Variants in PKNOX2 observed in about 807,000 individuals in gnomAD.
PKNOX2 encodes the protein homeobox protein PKNOX2.
A neutral mutation model predicts 53.1 loss-of-function variants in PKNOX2; 14 were observed. The ratio of observed to expected loss-of-function variants is 0.26; its 90% confidence interval spans 0.17 to 0.41. The LOEUF (loss-of-function observed/expected upper bound fraction) is 0.41, where lower values mean the gene tolerates loss of function less well. Among genes scored for constraint, PKNOX2 ranks in the 10% least tolerant of loss-of-function variants. PKNOX2 has a pLI of 1.00. For missense variants in PKNOX2, 496 were observed against 602.8 expected (o/e 0.82, Z 1.85); for synonymous variants, 257 against 242.8 (o/e 1.06, Z -0.54).
chr11:125,270,158 G>C (rs1945680268), intron 2 of PKNOX2, among the ~76,000 whole-genome samples: 1 of 152,180 alleles, frequency 6.6e-6, no homozygotes, highest in African/African-American at 2.4e-5. Context: ...GAATAACTCA[G>C]TGTTCCTGGA....
chr11:125,178,609 G>GAAAGAAAGAAAGAAAGAAA (rs1491232927), intron 1 of PKNOX2, among the ~76,000 whole-genome samples: 5 of 46,260 alleles, frequency 1.1e-4, no homozygotes, highest in East Asian at 9.8e-4. Flanking sequence ...AAGGAAGGAA[G>GAAAGAAAGAAAGAAAGAAA]GAAAGAAAGA....
At chr11:125,215,757 A>AAACTAACTAACT (rs537144913) in intron 1 of PKNOX2, among the ~76,000 whole-genome samples, 1 of 152,112 alleles carries the variant, frequency 6.6e-6, no homozygotes, top group African/African-American at 2.4e-5. Context: ...GTCTCAAAAT[A>AAACTAACTAACT]AACTAACTAA....
chr11:125,355,072 G>A (rs1951528628), intron 4 of PKNOX2, among the ~76,000 whole-genome samples: 1 of 152,036 alleles, frequency 6.6e-6, no homozygotes, highest in African/African-American at 2.4e-5. Context: ...TTCAAGACCA[G>A]CTTGGCCAAC....
intron 1 of PKNOX2, among the ~76,000 whole-genome samples, chr11:125,216,645 C>G (rs1041524502): frequency 6.6e-6 from 1 of 152,156 alleles, no homozygotes; most frequent in African/African-American, 2.4e-5. Flanking sequence ...GGCAGAGGTG[C>G]CTTTCTCAGA....
At chr11:125,220,854 C>G (rs1201791532) in intron 1 of PKNOX2, among the ~76,000 whole-genome samples, 1 of 152,202 alleles carries the variant, frequency 6.6e-6, no homozygotes, top group Non-Finnish European at 1.5e-5. Flanking sequence ...ACATTCGCCA[C>G]TGGGTCAGTA....
At chr11:125,296,885 C>T (rs994029304) in intron 2 of PKNOX2, among the ~76,000 whole-genome samples, 3 of 152,158 alleles carry the variant, frequency 2.0e-5, no homozygotes, top group Non-Finnish European at 2.9e-5. Context: ...CCACCCACCT[C>T]GGCCTCCCAA....
At chr11:125,178,576 A>AGGGC (rs1475014370) in intron 1 of PKNOX2, among the ~76,000 whole-genome samples, 1 of 30,250 alleles carries the variant, frequency 3.3e-5, no homozygotes, top group Non-Finnish European at 5.9e-5. Context: ...GAAGGAAGGA[A>AGGGC]GGAAGGAAGG....
At chr11:125,313,994 C>A (rs561246214) in intron 2 of PKNOX2, among the ~76,000 whole-genome samples, 1 of 152,308 alleles carries the variant, frequency 6.6e-6, no homozygotes, top group Admixed American at 6.5e-5. Context: ...GCCAGGCACA[C>A]AAGTGACCCC....
intron 3 of PKNOX2, among the ~76,000 whole-genome samples, chr11:125,337,615 A>G (rs844461): frequency 1 from 151,784 of 152,340 alleles, 75,615 homozygotes; most frequent in Middle Eastern, 1. Context: ...TGGGGCTTGA[A>G]GTTTGCTTTC....
intron 2 of PKNOX2, among the ~76,000 whole-genome samples, chr11:125,236,253 A>G (rs1363463277): frequency 1.3e-5 from 2 of 151,944 alleles, no homozygotes; most frequent in Non-Finnish European, 2.9e-5. Context: ...CGCCTCTGTG[A>G]TTGACGGGCC....
intron 6 of PKNOX2, among the ~76,000 whole-genome samples, chr11:125,393,699 C>T (rs549610475): frequency 6.6e-6 from 1 of 152,186 alleles, no homozygotes; most frequent in East Asian, 1.9e-4. Flanking sequence ...CCCCGGGGGG[C>T]TGTGCCAGGA....
chr11:125,300,618 A>G (rs1467652986), intron 2 of PKNOX2, among the ~76,000 whole-genome samples: 1 of 152,098 alleles, frequency 6.6e-6, no homozygotes, highest in African/African-American at 2.4e-5. Flanking sequence ...AGAGAGACAG[A>G]GACAGAAACA....
At chr11:125,317,541 A>G (rs79487844) in intron 2 of PKNOX2, among the ~76,000 whole-genome samples, 6,152 of 152,284 alleles carry the variant, frequency 0.04, 411 homozygotes, top group African/African-American at 0.14. Context: ...CTCCTTGTAC[A>G]TCTCCATCAG....
chr11:125,429,000 C>G lies in PKNOX2; in HGVS notation c.937-12C>G. On this transcript the variant is annotated splice_polypyrimidine_tract_variant and intron_variant, in intron 10 of 12. Transcript: ENST00000298282. ...ATGCCCAGCCCTCACTAGTCTCCAC[C>G]TCTCGTTTCAGCACCCCTACCCCAC... The G allele has an allele frequency of 6.2e-7, 1 of 1,610,250 alleles. No individual in the cohort carries two copies. Among genetic ancestry groups the G allele is most frequent in the East Asian group, 2.2e-5 (1 of 44,854 alleles).
intron 4 of PKNOX2, among the ~76,000 whole-genome samples, chr11:125,357,493 A>C (rs1422856447): frequency 6.6e-6 from 1 of 152,172 alleles, no homozygotes; most frequent in African/African-American, 2.4e-5. Context: ...CTTGTCCCCA[A>C]GCAGAACGAA....
Position 125,417,915 on chromosome 11 carries a change from C to A in PKNOX2, c.936+6050C>A, listed in dbSNP as rs945646191. 5.9e-5 allele frequency among the ~76,000 whole-genome samples: 9 copies of A among 151,986 alleles called. No homozygotes were observed. In the South Asian group the frequency reaches 1.9e-3, roughly 31 times the overall value. On this transcript the variant is annotated intron_variant, in intron 10 of 12. Transcript: ENST00000298282. Reference sequence around the variant, plus strand: ...AGGAGCTGAGGGCTCACTCCAGGGCCCTTCTATGAACTCTGCTGTGGTCAC... The same window carrying A: ...AGGAGCTGAGGGCTCACTCCAGGGCACTTCTATGAACTCTGCTGTGGTCAC...
chr11:125,282,158 GCTGT>G (rs920121075), intron 2 of PKNOX2, among the ~76,000 whole-genome samples: 5 of 152,206 alleles, frequency 3.3e-5, no homozygotes, highest in Non-Finnish European at 7.3e-5. Context: ...GCAAAGAAAA[GCTGT>G]CTGTCAGCTC....
At chr11:125,392,879 C>T (rs1954136604) in intron 6 of PKNOX2, among the ~76,000 whole-genome samples, 1 of 152,006 alleles carries the variant, frequency 6.6e-6, no homozygotes, top group Non-Finnish European at 1.5e-5. Flanking sequence ...GAAAGTTTGG[C>T]CGGGCGCGGT....
At chr11:125,349,877 A>ACACAC (rs1555160517) in intron 3 of PKNOX2, among the ~76,000 whole-genome samples, 2 of 149,602 alleles carry the variant, frequency 1.3e-5, no homozygotes, top group African/African-American at 5.0e-5. Context: ...ACACACACAC[A>ACACAC]GCCCTGGAGG....
Sources: allele counts gnomAD v4.1 joint callset (sites outside exome capture counted in the v4.1 genomes callset), GRCh38; gene constraint gnomAD v4.1.1; transcripts MANE v1.5; gene names NCBI Gene and HGNC (gene_info 2026-07-23, HGNC 2026-07-21).